NBPF14: variants seen among roughly 807,000 people sequenced by gnomAD.
NBPF14 encodes the protein NBPF family member NBPF14.
Under a neutral mutation model 91.2 loss-of-function variants are expected in NBPF14, and 104 were observed. The observed-to-expected ratio is 1.14, with a 90% CI of 0.97 to 1.34. NBPF14 has a LOEUF of 1.34. Ranked by LOEUF, NBPF14 falls within the 40% of genes most tolerant of loss-of-function variation. The probability of loss-of-function intolerance (pLI) is 0.00; values close to 1 mark genes in which losing one functional copy is unlikely to be tolerated. For missense variants in NBPF14, 908 were observed against 783.0 expected, an observed-to-expected ratio of 1.16 and a Z score of -1.91; for synonymous variants, 294 against 303.8, an observed-to-expected ratio of 0.97 and a Z score of 0.34.
chr1:148,595,688 AC>A lies in NBPF14; in HGVS notation c.29del (p.Ser10MetfsTer6). On this transcript the variant is annotated frameshift_variant, in exon 2 of 71. Transcript: ENST00000619423. LOFTEE classifies it high-confidence loss of function. ...CTAGAATGTTCATCTCTGCCTTCTC[AC>A]TGGACCAAGGGCCGGCTGATACCAC... is the stretch of plus-strand genomic sequence containing the variant. The A allele has an allele frequency of 7.5e-7, 1 of 1,330,634 alleles. No homozygotes were observed. 82.4% of individuals were successfully genotyped at this position (1,330,634 alleles called of 1,614,324 possible).
At chr1:148,595,496 C>A (rs1262255603) in intron 2 of NBPF14, 47 bp downstream of exon 2, 1 of 1,314,648 alleles carries the variant, frequency 7.6e-7, no homozygotes, top group Non-Finnish European at 1.1e-6. Context: ...AGAGAGAAGA[C>A]AGGATATCAT....
chr1:148,566,592 C>G (rs1339306340), intron 28 of NBPF14, among the ~76,000 whole-genome samples: 10 of 142,642 alleles, frequency 7.0e-5, no homozygotes, highest in African/African-American at 2.5e-4. Context: ...CCAGGTGACA[C>G]ACTGATGAGG....
chr1:148,557,701 A>T (rs1303220353), intron 39 of NBPF14, among the ~76,000 whole-genome samples, 159 bp from the exon 40 acceptor site: 1 of 130,418 alleles, frequency 7.7e-6, no homozygotes, highest in Non-Finnish European at 1.5e-5. Context: ...TGGTCATGAT[A>T]TTCCTTGCTT....
In NBPF14 at chr1:148,559,315, A is replaced by C. The variant is rs1657173046; in HGVS notation, c.4730-243T>G. ...TCGTTATCCCAATATCATTTGTCCCAAGTTTGTGCAAATGGTTATGCCATA... is the reference window on the plus strand; with the variant it reads ...TCGTTATCCCAATATCATTTGTCCCCAGTTTGTGCAAATGGTTATGCCATA... On this transcript the variant is annotated intron_variant, in intron 37 of 70. Coordinates refer to ENST00000619423, the Ensembl canonical transcript of NBPF14. Among the ~76,000 whole-genome samples, 2 of 123,868 alleles carry C rather than the reference A, an allele frequency of 1.6e-5. 1 individual carries two copies. The highest frequency in any genetic ancestry group is 8.5e-5 in the African/African-American group (2 of 23,566). 81.3% of individuals were successfully genotyped at this position (123,868 alleles called of 152,430 possible). A position where few individuals can be genotyped will look rare whatever the true frequency, so the allele number is the denominator to read the frequency against.
At position 148,559,877 on chromosome 1, in the gene NBPF14, C is replaced by G. The variant is rs1285604440; in HGVS notation, c.4645G>C (p.Glu1549Gln). 19 of 1,393,660 alleles carry G rather than the reference C, an allele frequency of 1.4e-5. 2 individuals are homozygous for G. Among genetic ancestry groups the G allele is most frequent in the South Asian group, 1.0e-4 (8 of 78,876 alleles). The allele number at this position is 1,393,660 out of a possible 1,614,324, so 86.3% of individuals were successfully genotyped here. The change falls in exon 37 of 71, where the codon GAA (glutamate) becomes CAA (glutamine). Residue 1549 changes from glutamate to glutamine, a missense_variant. Glu to Gln is a conservative substitution (Grantham distance 29). Around this residue, in one of 13 missense-constraint regions of NBPF14, gnomAD observed 447 missense variants for 189.1 expected, o/e 2.36. Transcript: ENST00000619423. Reference sequence around the variant, plus strand: ...TAGGGCTGGCATGAGTCAGTCAGTTCAAGACAACCTGAAGGAGTTGAATAA... The same window carrying G: ...TAGGGCTGGCATGAGTCAGTCAGTTGAAGACAACCTGAAGGAGTTGAATAA...
At chr1:148,593,223 G>C (rs1662788357) in intron 3 of NBPF14, among the ~76,000 whole-genome samples, 1 of 148,660 alleles carries the variant, frequency 6.7e-6, no homozygotes, top group African/African-American at 2.4e-5. Context: ...CATTGATTGA[G>C]TGAAAGAATG....
chr1:148,534,597 G>C lies in NBPF14; in HGVS notation c.8614+87C>G. The C allele has an allele frequency of 3.4e-6, 3 of 886,812 alleles. No individual in the cohort carries two copies. The South Asian group carries it at 3.9e-5, about 12-fold the overall frequency. The allele number at this position is 886,812 out of a possible 1,614,324, so 54.9% of individuals were successfully genotyped here. ...CTGCCTGCGGCAATGACATCTCTCGGGTGAGTAAGGGCCACTTGGAATAGG... is the reference window on the plus strand; with the variant it reads ...CTGCCTGCGGCAATGACATCTCTCGCGTGAGTAAGGGCCACTTGGAATAGG... On this transcript the variant is annotated intron_variant, in intron 69 of 70. Transcript: ENST00000619423.
intron 13 of NBPF14, among the ~76,000 whole-genome samples, 187 bp downstream of exon 13, chr1:148,578,887 C>A: frequency 6.7e-6 from 1 of 148,566 alleles, no homozygotes; most frequent in Non-Finnish European, 1.5e-5. Context: ...GAGAGTAAAG[C>A]TCACTGACCC....
intron 58 of NBPF14, among the ~76,000 whole-genome samples, 191 bp from the exon 59 acceptor site, chr1:148,542,917 CAGAT>C (rs1234050024): frequency 2.6e-4 from 4 of 15,112 alleles, no homozygotes; most frequent in African/African-American, 1.1e-3. Context: ...AAGAGAAAGA[CAGAT>C]AGACACACAC....
rs1655344792 is a variant in NBPF14, at chr1:148,538,216, A to G, written c.7935-210T>C. ...GAAAGACAGATAGACACACACACAC[A>G]CACACACACACACACACACACACAC... On this transcript the variant is annotated intron_variant, in intron 64 of 70. Coordinates refer to ENST00000619423, the Ensembl canonical transcript of NBPF14. Among the ~76,000 whole-genome samples the G allele has an allele frequency of 2.7e-5, 2 of 73,030 alleles. 1 individual carries two copies. The highest frequency in any genetic ancestry group is 5.4e-5 in the Non-Finnish European group (2 of 37,232). 47.9% of individuals were successfully genotyped at this position (73,030 alleles called of 152,430 possible). A position where few individuals can be genotyped will look rare whatever the true frequency, so the allele number is the denominator to read the frequency against.
intron 14 of NBPF14, among the ~76,000 whole-genome samples, chr1:148,577,609 G>T (rs1660121118): frequency 1.3e-5 from 2 of 149,470 alleles, no homozygotes; most frequent in Non-Finnish European, 2.9e-5. Flanking sequence ...TCAGTCAATT[G>T]GTCAGGTGAC....
intron 13 of NBPF14, among the ~76,000 whole-genome samples, chr1:148,578,857 G>A: frequency 6.7e-6 from 1 of 149,094 alleles, no homozygotes; most frequent in Non-Finnish European, 1.5e-5. Flanking sequence ...GTTGGCATGG[G>A]CATGGCCTGA....
chr1:148,566,508 GACACACACAC>G lies in NBPF14; in HGVS notation c.3543-203_3543-194del, dbSNP rs1170223898. On this transcript the variant is annotated intron_variant, in intron 28 of 70. Transcript: ENST00000619423. ...TGGAAAAGAATGAAAGAGAAAGACA[GACACACACAC>G]ACACACACACACACACACACACAAA... is the stretch of plus-strand genomic sequence containing the variant. 3.4e-4 allele frequency among the ~76,000 whole-genome samples: 41 copies of G among 122,102 alleles called. 3 individuals are homozygous for G. Among genetic ancestry groups the G allele is most frequent in the African/African-American group, 1.1e-3 (37 of 33,524 alleles). The allele number at this position is 122,102 out of a possible 152,430, so 80.1% of individuals were successfully genotyped here. A position where few individuals can be genotyped will look rare whatever the true frequency, so the allele number is the denominator to read the frequency against.
chr1:148,533,792 T>C (rs1476939501), intron 70 of NBPF14, 69 bp downstream of exon 70: 16 of 764,966 alleles, frequency 2.1e-5, no homozygotes, highest in South Asian at 8.1e-5. Context: ...AAACACACTC[T>C]GGTTTCCCTG....
chr1:148,559,846 C>G (rs1357344090), exon 37 of NBPF14: 2 of 1,525,948 alleles, frequency 1.3e-6, no homozygotes, highest in Non-Finnish European at 1.8e-6. Context: ...GTAAAAGGCA[C>G]TTCTATAGGG....
rs1161262976 is a variant in NBPF14 at position 148,591,240 on chromosome 1, C to A, written c.566+192G>T. ...AAGACTCAGCTATCCCTGTATGGTA[C>A]AGACATGACACTTGGCACACATAGA... On this transcript the variant is annotated intron_variant, in intron 5 of 70. Coordinates refer to ENST00000619423, the Ensembl canonical transcript of NBPF14. 1.3e-4 allele frequency among the ~76,000 whole-genome samples: 20 copies of A among 148,662 alleles called. 1 individual carries two copies. The East Asian group carries it at 2.9e-3, about 22-fold the overall frequency.
exon 4 of NBPF14, chr1:148,592,724 G>C: frequency 6.3e-7 from 1 of 1,585,900 alleles, no homozygotes; most frequent in South Asian, 1.1e-5. Flanking sequence ...CCCTTAGCTG[G>C]GTCAGCTCTC....
At chr1:148,589,920 T>A in intron 6 of NBPF14, among the ~76,000 whole-genome samples, 1 of 148,020 alleles carries the variant, frequency 6.8e-6, no homozygotes, top group Non-Finnish European at 1.5e-5. Context: ...TTAGTAGAGA[T>A]GGGGTTTCGC....
At chr1:148,533,839 A>G in intron 70 of NBPF14, 22 bp downstream of exon 70, 2 of 766,218 alleles carry the variant, frequency 2.6e-6, no homozygotes, top group Non-Finnish European at 4.8e-6. Context: ...AGAACTAAGG[A>G]TCCACAATTG....
Sources: gnomAD v4.1 joint callset for allele counts (sites outside exome capture counted in the v4.1 genomes callset) on GRCh38, gnomAD v4.1.1 for gene constraint, gnomAD v4.1.1 regional missense constraint, MANE v1.5 for transcripts, NCBI Gene and HGNC (gene_info 2026-07-23, HGNC 2026-07-21) for gene names.